The following SMARCA2 variants were observed in gnomAD, a reference collection of about 807,000 sequenced individuals.
The protein encoded by SMARCA2 is SWI/SNF-related matrix-associated actin-dependent regulator of chromatin subfamily A member 2.
SMARCA2 carries 61 observed loss-of-function variants against 199.8 expected under a neutral mutation model. The observed-to-expected ratio is 0.31, with a 90% confidence interval of 0.25 to 0.38. The LOEUF (loss-of-function observed/expected upper bound fraction) is 0.38. SMARCA2 is among the 10% of genes least tolerant of loss of function. The pLI, the probability that SMARCA2 is intolerant of heterozygous loss-of-function variation, is 1.00. For missense variants in SMARCA2, 1,344 were observed against 2,012.2 expected (o/e 0.67, Z 6.35); for synonymous variants, 935 against 732.0 (o/e 1.28, Z -4.48).
At chr9:2,020,160 T>C (rs946610623) in intron 1 of SMARCA2, among the ~76,000 whole-genome samples, 1 of 152,254 alleles carries the variant, frequency 6.6e-6, no homozygotes, top group Non-Finnish European at 1.5e-5. Flanking sequence ...GCTGTATTTC[T>C]TGTGAACAGA....
At chr9:2,102,692 T>C (rs1452405272) in intron 22 of SMARCA2, among the ~76,000 whole-genome samples, 1 of 152,198 alleles carries the variant, frequency 6.6e-6, no homozygotes, top group Non-Finnish European at 1.5e-5. Context: ...TCCCAACGTG[T>C]TTTTGACTTG....
rs761701446 is a variant in SMARCA2 at position 2,096,680 on chromosome 9, C to T, written c.2907C>T (p.Asp969=). The T allele has an allele frequency of 5.0e-6, 8 of 1,613,112 alleles. No individual in the cohort carries two copies. Among genetic ancestry groups the T allele is most frequent in the East Asian group, 4.5e-5 (2 of 44,880 alleles). The change falls in exon 20 of 34, where the codon GAC becomes GAT. Residue 969 remains aspartate, a synonymous_variant. Coordinates refer to ENST00000349721, the MANE Select transcript of SMARCA2 (RefSeq NM_003070.5). Reference sequence around the variant, plus strand: ...AGGTGGAATATGTGATCAAGTGTGACATGTCAGCTCTGCAGAAGATTCTGT... The same window carrying T: ...AGGTGGAATATGTGATCAAGTGTGATATGTCAGCTCTGCAGAAGATTCTGT... ...PEKVEYVIKC[D]MSALQKILYR... is the part of the protein sequence containing the mutation.
rs1310994260 is a variant in SMARCA2 at position 2,193,499 on chromosome 9, A to G, written c.*760A>G. On this transcript the variant is annotated 3_prime_UTR_variant, in exon 34 of 34. Transcript: ENST00000349721. ...TCTCCTTCTCCCTAAAGTGTACTTA[A>G]TCTTTGCTTTCTTTGCACAATGTCT... 1 of 152,692 alleles carries G rather than the reference A, an allele frequency of 6.5e-6. No individual in the cohort carries two copies. The highest frequency in any genetic ancestry group is 1.5e-5 in the Non-Finnish European group (1 of 68,058). 9.5% of individuals were successfully genotyped at this position (152,692 alleles called of 1,614,324 possible). A position where few individuals can be genotyped will look rare whatever the true frequency, so the allele number is the denominator to read the frequency against.
chr9:2,069,731 T>C (rs942715487), intron 9 of SMARCA2, among the ~76,000 whole-genome samples: 1 of 152,220 alleles, frequency 6.6e-6, no homozygotes, highest in African/African-American at 2.4e-5. Context: ...TTTATGCCCA[T>C]GGAGTGGGTC....
At position 2,056,437 on chromosome 9, in the gene SMARCA2, A is replaced by G. The variant is rs551885798; in HGVS notation, c.1174-235A>G. On this transcript the variant is annotated intron_variant, in intron 6 of 33. Coordinates refer to ENST00000349721, the MANE Select transcript of SMARCA2 (RefSeq NM_003070.5). The surrounding 1 kb of genome is among the most constrained non-coding windows in gnomAD (Gnocchi z 4.0). Reference sequence around the variant, plus strand: ...TTCTTTCTTTTACTGTTACAGTACTATAATTGCTTTTGATTTGAATTATTT... The same window carrying G: ...TTCTTTCTTTTACTGTTACAGTACTGTAATTGCTTTTGATTTGAATTATTT... Among the ~76,000 whole-genome samples, 9 of 152,368 alleles carry G rather than the reference A, an allele frequency of 5.9e-5. No individual in the cohort carries two copies. The East Asian group carries it at 1.3e-3, about 23-fold the overall frequency.
intron 22 of SMARCA2, 140 bp downstream of exon 22, chr9:2,101,756 C>A (rs1003371697): frequency 1.3e-5 from 6 of 478,694 alleles, no homozygotes; most frequent in African/African-American, 1.2e-4. Flanking sequence ...TTAACCAAAA[C>A]GGTATCAGCA....
At chr9:2,157,542 G>A (rs1411256158) in intron 27 of SMARCA2, 4 of 203,598 alleles carry the variant, frequency 2.0e-5, no homozygotes, top group African/African-American at 6.9e-5. Flanking sequence ...AAATAGCAGA[G>A]TTAGTGTTTG....
At chr9:2,076,063 G>T (rs191221848) in intron 12 of SMARCA2, among the ~76,000 whole-genome samples, 166 bp from the exon 13 acceptor site, 140 of 152,130 alleles carry the variant, frequency 9.2e-4, no homozygotes, top group Non-Finnish European at 1.3e-3. Context: ...TTGAATTGGG[G>T]GTATTACCTT....
At chr9:2,131,475 G>A (rs898407064) in intron 27 of SMARCA2, among the ~76,000 whole-genome samples, 3 of 152,232 alleles carry the variant, frequency 2.0e-5, no homozygotes, top group Admixed American at 6.5e-5. Context: ...TAAATTGGGC[G>A]ATAGATAACA....
chr9:2,141,080 G>A (rs766201809), intron 27 of SMARCA2, among the ~76,000 whole-genome samples: 1 of 152,062 alleles, frequency 6.6e-6, no homozygotes, highest in Non-Finnish European at 1.5e-5. Context: ...CTGCCACCAA[G>A]TTGGCAAGTG....
At chr9:2,062,758 G>A (rs1022336407) in intron 9 of SMARCA2, among the ~76,000 whole-genome samples, 3 of 152,066 alleles carry the variant, frequency 2.0e-5, no homozygotes, top group African/African-American at 4.8e-5. Context: ...GGGGTACAAT[G>A]GTGAGGAAAA....
intron 27 of SMARCA2, among the ~76,000 whole-genome samples, chr9:2,149,188 A>T (rs1461448354): frequency 6.6e-6 from 1 of 151,242 alleles, no homozygotes; most frequent in Non-Finnish European, 1.5e-5. Flanking sequence ...CACTTCTTAC[A>T]TGGTGGCGGC....
chr9:2,130,383 G>T (rs1240445690), intron 27 of SMARCA2, among the ~76,000 whole-genome samples: 1 of 152,162 alleles, frequency 6.6e-6, no homozygotes, highest in Non-Finnish European at 1.5e-5. Flanking sequence ...CGATAGATGA[G>T]AATCCCAGTC....
In SMARCA2 at chr9:2,073,200, C is replaced by CT. The variant is rs1288732735; in HGVS notation, c.1747-12_1747-11insT. ...AACATGAAACCGTGACATGATTTTC[C>CT]CTCCTTTGTAGCCCATAGATGAGAG... On this transcript the variant is annotated splice_polypyrimidine_tract_variant and intron_variant, in intron 10 of 33. Coordinates refer to ENST00000349721, the MANE Select transcript of SMARCA2 (RefSeq NM_003070.5). The CT allele has an allele frequency of 6.2e-7, 1 of 1,613,674 alleles. No homozygotes were observed. Among genetic ancestry groups the CT allele is most frequent in the Admixed American group, 1.7e-5 (1 of 59,886 alleles).
chr9:2,177,909 T>C (rs1243626340), intron 29 of SMARCA2, among the ~76,000 whole-genome samples: 4 of 152,152 alleles, frequency 2.6e-5, no homozygotes, highest in Non-Finnish European at 5.9e-5. Flanking sequence ...GCTTAAAATA[T>C]AATCAAAGCT....
intron 9 of SMARCA2, among the ~76,000 whole-genome samples, chr9:2,064,912 C>T (rs376728927): frequency 6.6e-5 from 10 of 152,216 alleles, no homozygotes; most frequent in Non-Finnish European, 1.0e-4. Flanking sequence ...CAGCTGGGTG[C>T]GGCGGCTCAC....
intron 29 of SMARCA2, among the ~76,000 whole-genome samples, chr9:2,173,804 CA>C (rs1257216608): frequency 6.6e-5 from 10 of 152,274 alleles, no homozygotes; most frequent in African/African-American, 2.4e-4. Context: ...CTTATTTGAC[CA>C]AAGAACCCCC....
At chr9:2,101,422 G>C (rs570795792) in intron 21 of SMARCA2, 148 bp from the exon 22 acceptor site, 4 of 478,434 alleles carry the variant, frequency 8.4e-6, no homozygotes, top group African/African-American at 6.1e-5. Context: ...CTGAATTTCT[G>C]GTTCATTACG....
chr9:2,088,542 C>T lies in SMARCA2; in HGVS notation c.2812C>T (p.Leu938=), dbSNP rs545254683. 29 of 1,592,442 alleles carry T rather than the reference C, an allele frequency of 1.8e-5. No individual in the cohort carries two copies. In the East Asian group the frequency reaches 4.9e-4, roughly 27 times the overall value. The change falls in exon 19 of 34, where the codon CTA becomes TTA. Residue 938 remains leucine (L), a synonymous_variant. Transcript: ENST00000349721. ...EEETILIIRR[L]HKVLRPFLLR... ...AGAAACTATATTGATCATCAGGCGT[C>T]TACATAAGGTGTTAAGACCATTTTT...
Sources: allele counts gnomAD v4.1 joint callset (sites outside exome capture counted in the v4.1 genomes callset), GRCh38; gene constraint gnomAD v4.1.1; non-coding constraint Gnocchi (gnomAD v3.1); transcripts MANE v1.5; gene names NCBI Gene and HGNC (gene_info 2026-07-23, HGNC 2026-07-21).